Variants in AP3D1 observed in about 807,000 individuals in gnomAD.
The protein encoded by AP3D1 is adaptor related protein complex 3 subunit delta 1.
Under a neutral mutation model 147.6 loss-of-function variants are expected in AP3D1, and 51 were observed. That is an observed-to-expected ratio of 0.35 (90% CI 0.28 to 0.44). The LOEUF (loss-of-function observed/expected upper bound fraction) is 0.44, where lower values mean the gene tolerates loss of function less well. AP3D1 is among the 20% of genes least tolerant of loss of function. The pLI, the probability that AP3D1 is intolerant of heterozygous loss-of-function variation, is 1.00. For synonymous variants in AP3D1, 760 were observed against 663.0 expected (o/e 1.15, Z -2.25); for missense variants, 1,421 against 1,624.2 (o/e 0.87, Z 2.15).
chr19:2,116,411 G>A, intron 17 of AP3D1, 133 bp from the exon 18 acceptor site: 3 of 1,235,624 alleles, frequency 2.4e-6, no homozygotes, highest in Non-Finnish European at 3.3e-6. Context: ...CACTAACAGG[G>A]AAACCAAGGC....
At chr19:2,108,086 G>T (rs1017498364) in intron 31 of AP3D1, among the ~76,000 whole-genome samples, 2 of 152,256 alleles carry the variant, frequency 1.3e-5, no homozygotes, top group South Asian at 4.1e-4. Flanking sequence ...TCTTTCTAAG[G>T]AAGAAATGCC....
At position 2,110,688 on chromosome 19, in the gene AP3D1, T is replaced by C; in HGVS notation, c.3175+19A>G. 1 of 1,571,614 alleles carries C rather than the reference T, an allele frequency of 6.4e-7. No individual in the cohort carries two copies. The highest frequency in any genetic ancestry group is 8.6e-7 in the Non-Finnish European group (1 of 1,158,190). On this transcript the variant is annotated intron_variant, in intron 27 of 31. Coordinates refer to ENST00000643116, the MANE Select transcript of AP3D1 (RefSeq NM_001261826.3). ...CTCCCACAGTCCCCAGGAGAGGCCG[T>C]GAGTGGGGCAGGGCTCACCTGGGGG...
intron 1 of AP3D1, among the ~76,000 whole-genome samples, chr19:2,158,188 T>C (rs1345845677): frequency 1.3e-5 from 2 of 152,050 alleles, no homozygotes. Context: ...TTCCAGTAGC[T>C]GGGACTACAG....
chr19:2,158,334 G>T lies in AP3D1; in HGVS notation c.-103+6022C>A, dbSNP rs1450738805. Reference sequence around the variant, plus strand: ...GCCTCCCAAAGTGCTGGGATTACAGGCATGAGCCAACGTGCTCGACCTGTT... The same window carrying T: ...GCCTCCCAAAGTGCTGGGATTACAGTCATGAGCCAACGTGCTCGACCTGTT... On this transcript the variant is annotated intron_variant, in intron 1 of 14. Coordinates refer to the AP3D1 transcript ENST00000643010. 4.0e-5 allele frequency among the ~76,000 whole-genome samples: 6 copies of T among 151,136 alleles called. No homozygotes were observed. In the East Asian group the frequency reaches 9.7e-4, roughly 24 times the overall value.
intron 2 of AP3D1, 97 bp downstream of exon 2, chr19:2,138,522 A>T: frequency 2.1e-6 from 2 of 952,918 alleles, no homozygotes; most frequent in Non-Finnish European, 1.7e-6. Context: ...GGTACCAATG[A>T]CTGACAGGTG....
chr19:2,120,548 GCCC>G lies in AP3D1; in HGVS notation c.1481+311_1481+313del, dbSNP rs775302826. Among the ~76,000 whole-genome samples the G allele has an allele frequency of 1.2e-4, 19 of 152,288 alleles. 1 individual carries two copies. In the East Asian group the frequency reaches 1.9e-3, roughly 15 times the overall value. ...TGAGCCTTGCAGATGCCCAGGGCCA[GCCC>G]CCCGTCTGCAGCCCACCCCATGGAT... On this transcript the variant is annotated intron_variant, in intron 14 of 31. Transcript: ENST00000643116.
At position 2,113,318 on chromosome 19, in the gene AP3D1, C is replaced by T; in HGVS notation, c.2679+18G>A. 1.5e-6 allele frequency: 2 copies of T among 1,326,498 alleles called. No homozygotes were observed. Among genetic ancestry groups the T allele is most frequent in the Non-Finnish European group, 2.0e-6 (2 of 978,962 alleles). 82.2% of individuals were successfully genotyped at this position (1,326,498 alleles called of 1,614,324 possible). On this transcript the variant is annotated intron_variant, in intron 23 of 31. Coordinates refer to ENST00000643116, the MANE Select transcript of AP3D1 (RefSeq NM_001261826.3). Reference sequence around the variant, plus strand: ...TGCAGACACCGAGGCTGGCACTGGCCAGCTGCCAGTCTCTTACCGTGGATG... The same window carrying T: ...TGCAGACACCGAGGCTGGCACTGGCTAGCTGCCAGTCTCTTACCGTGGATG...
At position 2,110,878 on chromosome 19, in the gene AP3D1, T is replaced by C. The variant is rs1379850889; in HGVS notation, c.3004A>G (p.Ser1002Gly). The C allele has an allele frequency of 6.2e-7, 1 of 1,613,144 alleles. No individual in the cohort carries two copies. The change falls in exon 27 of 32, where the codon AGT becomes GGT. Residue 1002 changes from serine to glycine, a missense_variant. Transcript: ENST00000643116. ...GTGACCTGGCTGTCCTCCTGCAGACTGCCCCGGATGTCACAGGTCTGCAGG... is the reference window on the plus strand; with the variant it reads ...GTGACCTGGCTGTCCTCCTGCAGACCGCCCCGGATGTCACAGGTCTGCAGG... ...YVKMTCDIRG[S>G]LQEDSQVTVA...
Position 2,115,334 on chromosome 19 carries a change from T to C in AP3D1, c.2234A>G (p.Lys745Arg). The change falls in exon 20 of 32, where the codon AAG (lysine) becomes AGG (arginine). Residue 745 changes from lysine to arginine, a missense_variant. By Grantham distance (26) the Lys-to-Arg change is conservative. This residue lies in a region of AP3D1 where 791 missense variants were observed against 761.4 expected (regional missense o/e 1.04). Transcript: ENST00000643116. The part of the protein sequence containing the change: ...QKLEKDKRRK[K>R]RKEKEKKGKR... Reference sequence around the variant, plus strand: ...GCCCTTCTTCTCCTTCTCCTTCCTCTTTTTCCTCCTCTTGTCCTTCTCCAG... The same window carrying C: ...GCCCTTCTTCTCCTTCTCCTTCCTCCTTTTCCTCCTCTTGTCCTTCTCCAG... 1 of 1,610,494 alleles carries C rather than the reference T, an allele frequency of 6.2e-7. No homozygotes were observed. The highest frequency in any genetic ancestry group is 8.5e-7 in the Non-Finnish European group (1 of 1,179,874).
intron 1 of AP3D1, among the ~76,000 whole-genome samples, chr19:2,150,767 G>A (rs1470634760): frequency 6.6e-6 from 1 of 152,228 alleles, no homozygotes. Context: ...GAGGGTCCGG[G>A]GGCGGGGCCC....
rs2018617184 is a variant in AP3D1, at chr19:2,121,723, A to C, written c.1101+11T>G. The C allele has an allele frequency of 1.9e-6, 3 of 1,565,990 alleles. No homozygotes were observed. In the East Asian group the frequency reaches 6.8e-5, roughly 35 times the overall value. On this transcript the variant is annotated intron_variant, in intron 12 of 31. Transcript: ENST00000643116. ...GGCCAGGCGGGCGGGCGGCGGACAG[A>C]GGGCACGCACCATCCCATAGAGCAG...
chr19:2,126,557 G>A (rs1364789808), intron 9 of AP3D1, among the ~76,000 whole-genome samples: 7 of 151,416 alleles, frequency 4.6e-5, no homozygotes. Context: ...GGGAGGCTGA[G>A]GTAGGAGAAT....
chr19:2,127,272 C>T (rs537983979), intron 8 of AP3D1, 71 bp from the exon 9 acceptor site: 14 of 1,554,228 alleles, frequency 9.0e-6, no homozygotes, highest in South Asian at 6.7e-5. Context: ...CCAGTGCCGG[C>T]AGCTCAGCTG....
chr19:2,120,130 C>T (rs1032393727), intron 14 of AP3D1, among the ~76,000 whole-genome samples: 3 of 152,118 alleles, frequency 2.0e-5, no homozygotes, highest in Non-Finnish European at 2.9e-5. Context: ...GTGATGGGGC[C>T]GGGCCCGAGG....
chr19:2,118,215 G>A (rs984680121), intron 15 of AP3D1, among the ~76,000 whole-genome samples: 1 of 152,098 alleles, frequency 6.6e-6, no homozygotes, highest in Non-Finnish European at 1.5e-5. Flanking sequence ...GGGAAGTGGT[G>A]GGCACCGCCT....
intron 1 of AP3D1, among the ~76,000 whole-genome samples, chr19:2,141,726 C>T: frequency 6.6e-6 from 1 of 151,704 alleles, no homozygotes; most frequent in Non-Finnish European, 1.5e-5. Context: ...AGGCGTGAGC[C>T]ACCATGCCCG....
At chr19:2,147,054 G>A (rs574303316) in intron 1 of AP3D1, among the ~76,000 whole-genome samples, 3 of 143,228 alleles carry the variant, frequency 2.1e-5, no homozygotes, top group African/African-American at 4.9e-5. Flanking sequence ...GAGAAAACCC[G>A]CTCAGTTCGG....
intron 2 of AP3D1, 110 bp downstream of exon 2, chr19:2,138,509 G>C (rs1396463784): frequency 3.5e-6 from 3 of 861,864 alleles, no homozygotes; most frequent in Non-Finnish European, 5.8e-6. Flanking sequence ...ACCGACAGCA[G>C]GTGGTACCAA....
At chr19:2,163,123 G>A (rs1262588662) in intron 1 of AP3D1, among the ~76,000 whole-genome samples, 1 of 152,118 alleles carries the variant, frequency 6.6e-6, no homozygotes, top group Non-Finnish European at 1.5e-5. Flanking sequence ...GCCCAGGCCG[G>A]AGTGCAGTGG....
Sources: allele counts gnomAD v4.1 joint callset (sites outside exome capture counted in the v4.1 genomes callset), GRCh38; gene constraint gnomAD v4.1.1; regional missense constraint gnomAD v4.1.1; transcripts MANE v1.5; gene names NCBI Gene and HGNC (gene_info 2026-07-23, HGNC 2026-07-21).